Variants in MEF2C observed in about 807,000 individuals in gnomAD.
MEF2C encodes myocyte enhancer factor 2C, also known as myocyte-specific enhancer factor 2C.
Under a neutral mutation model 50.5 loss-of-function variants are expected in MEF2C, and 6 were observed. That is an observed-to-expected ratio of 0.12 (90% confidence interval 0.07 to 0.23). The LOEUF (loss-of-function observed/expected upper bound fraction) is 0.23, where lower values mean the gene tolerates loss of function less well. Ranked by LOEUF, MEF2C falls within the 10% of genes least tolerant of loss-of-function variation. The pLI is 1.00. For synonymous variants in MEF2C, 183 were observed against 228.0 expected (o/e 0.80, Z 1.78); for missense variants, 276 against 605.0 (o/e 0.46, Z 5.70).
At chr5:88,832,846 C>G (rs1194876940) in intron 1 of MEF2C, among the ~76,000 whole-genome samples, 1 of 152,098 alleles carries the variant, frequency 6.6e-6, no homozygotes, top group East Asian at 1.9e-4. Context: ...CTAATTATGG[C>G]TATCACTGAT....
Position 88,840,348 on chromosome 5 carries a change from T to C in MEF2C, c.-142-16418A>G, listed in dbSNP as rs1581436078. Among the ~76,000 whole-genome samples the C allele has an allele frequency of 2.0e-5, 3 of 152,322 alleles. No individual in the cohort carries two copies. The East Asian group carries it at 5.8e-4, about 29-fold the overall frequency. Reference sequence around the variant, plus strand: ...CTTCAATATTGTGTATTGCTTTATGTCTGTTCTTTTAATCTTTCCTTACGC... The same window carrying C: ...CTTCAATATTGTGTATTGCTTTATGCCTGTTCTTTTAATCTTTCCTTACGC... On this transcript the variant is annotated intron_variant, in intron 1 of 10. Transcript: ENST00000504921.
chr5:88,869,522 C>A (rs1290080218), intron 1 of MEF2C, among the ~76,000 whole-genome samples: 1 of 151,296 alleles, frequency 6.6e-6, no homozygotes, highest in Non-Finnish European at 1.5e-5. Flanking sequence ...TATTTAAATA[C>A]CATGAACTGT....
chr5:88,775,343 T>C (rs1447352811), intron 3 of MEF2C, among the ~76,000 whole-genome samples: 1 of 152,190 alleles, frequency 6.6e-6, no homozygotes, highest in Non-Finnish European at 1.5e-5. Context: ...TAGGCAATTA[T>C]GAATTGAGTG....
chr5:88,769,514 G>A (rs890522742), intron 3 of MEF2C, among the ~76,000 whole-genome samples: 3 of 152,168 alleles, frequency 2.0e-5, no homozygotes, highest in Non-Finnish European at 1.5e-5. Context: ...CACGTTAGCT[G>A]TAAAACACTC....
chr5:88,851,430 AG>A (rs1304416814), intron 1 of MEF2C, among the ~76,000 whole-genome samples: 4 of 152,030 alleles, frequency 2.6e-5, no homozygotes, highest in Non-Finnish European at 5.9e-5. Context: ...ACATTGTTCA[AG>A]GGTCAATTGT....
At chr5:88,866,139 G>C (rs1455298035) in intron 1 of MEF2C, among the ~76,000 whole-genome samples, 2 of 152,132 alleles carry the variant, frequency 1.3e-5, no homozygotes, top group East Asian at 3.9e-4. Flanking sequence ...CTCGTGATCC[G>C]CCGGCCTTGG....
intron 1 of MEF2C, among the ~76,000 whole-genome samples, chr5:88,878,494 A>G (rs1831799325): frequency 6.6e-6 from 1 of 151,972 alleles, no homozygotes; most frequent in African/African-American, 2.4e-5. Flanking sequence ...ACTCACACCA[A>G]AGTTGGCACC....
At chr5:88,820,641 G>A (rs1487643354) in intron 2 of MEF2C, among the ~76,000 whole-genome samples, 1 of 152,008 alleles carries the variant, frequency 6.6e-6, no homozygotes. Flanking sequence ...AAAGATGACA[G>A]TGAGCCATTG....
chr5:88,804,105 G>A (rs1459282844), intron 3 of MEF2C, among the ~76,000 whole-genome samples: 2 of 152,184 alleles, frequency 1.3e-5, no homozygotes, highest in East Asian at 1.9e-4. Context: ...CAGCAAGAAA[G>A]CATTCAGAAT....
chr5:88,770,035 G>A (rs1781683810), intron 3 of MEF2C: 2 of 981,600 alleles, frequency 2.0e-6, no homozygotes, highest in African/African-American at 1.8e-5. Flanking sequence ...AATGGGCAAT[G>A]TTAGTGATTT....
intron 1 of MEF2C, among the ~76,000 whole-genome samples, chr5:88,899,542 G>C (rs1193790262): frequency 2.0e-5 from 3 of 152,170 alleles, no homozygotes; most frequent in Admixed American, 6.6e-5. Context: ...GTGAAACAGA[G>C]AGTCTAACTC....
At chr5:88,761,153 TA>T (rs746341213) in intron 4 of MEF2C, 31 bp downstream of exon 4, 2 of 1,613,364 alleles carry the variant, frequency 1.2e-6, no homozygotes, top group Non-Finnish European at 8.5e-7. Flanking sequence ...ATATCAAGAG[TA>T]AAAAAAATGA....
At chr5:88,744,196 A>C (rs1389030497) in intron 6 of MEF2C, 2 of 865,132 alleles carry the variant, frequency 2.3e-6, no homozygotes, top group Admixed American at 2.3e-4. Context: ...CATTAAATCT[A>C]ATGACTACAA....
chr5:88,869,623 A>G (rs553657187), intron 1 of MEF2C, among the ~76,000 whole-genome samples: 1 of 151,514 alleles, frequency 6.6e-6, no homozygotes, highest in African/African-American at 2.4e-5. Context: ...TTAACTTACT[A>G]CACTTATTAA....
In MEF2C at chr5:88,734,561, G is replaced by GTTTGTTT. The variant is rs1763086725; in HGVS notation, c.638-2667_638-2661dup. On this transcript the variant is annotated intron_variant, in intron 6 of 10. Coordinates refer to ENST00000504921, the MANE Select transcript of MEF2C (RefSeq NM_002397.5). ...ATGCTTCACGGAGGCCTTGAGAAAA[G>GTTTGTTT]TTTGTTTTTTTTTTTTTTTTTTTTT... 26 of 254,380 alleles carry GTTTGTTT rather than the reference G, an allele frequency of 1.0e-4. 1 individual carries two copies. The highest frequency in any genetic ancestry group is 2.2e-3 in the Middle Eastern group (1 of 462). 15.8% of individuals were successfully genotyped at this position (254,380 alleles called of 1,614,324 possible).
rs865930576 is a variant in MEF2C, at chr5:88,810,732, C to G, written c.55-5931G>C. Among the ~76,000 whole-genome samples the G allele has an allele frequency of 1.3e-3, 201 of 152,138 alleles. 2 individuals carry two copies. Among genetic ancestry groups the G allele is most frequent in the African/African-American group, 4.5e-3 (185 of 41,524 alleles). Reference sequence around the variant, plus strand: ...TATCAAAAAGTCTCTAGTAAAGTGCCATAGAATTCAGTACTTTTCCCATCC... The same window carrying G: ...TATCAAAAAGTCTCTAGTAAAGTGCGATAGAATTCAGTACTTTTCCCATCC... On this transcript the variant is annotated intron_variant, in intron 2 of 10. Coordinates refer to ENST00000504921, the MANE Select transcript of MEF2C (RefSeq NM_002397.5).
intron 6 of MEF2C, chr5:88,740,879 G>A: frequency 2.0e-6 from 2 of 985,336 alleles, no homozygotes; most frequent in African/African-American, 3.5e-5. Context: ...ATGAGGGGGT[G>A]TCTTCATTAT....
chr5:88,738,002 G>T, intron 6 of MEF2C: 1 of 985,312 alleles, frequency 1.0e-6, no homozygotes, highest in Non-Finnish European at 1.2e-6. Context: ...TAGTTAGAAC[G>T]CCTTGCTCTA....
chr5:88,820,078 T>C (rs1473906179), intron 2 of MEF2C, among the ~76,000 whole-genome samples: 2 of 55,470 alleles, frequency 3.6e-5, no homozygotes, highest in Non-Finnish European at 5.9e-5. Context: ...TTTGTAATTA[T>C]ATATATATAT....
Sources: allele counts gnomAD v4.1 joint callset (sites outside exome capture counted in the v4.1 genomes callset), GRCh38; gene constraint gnomAD v4.1.1; transcripts MANE v1.5; gene names NCBI Gene and HGNC (gene_info 2026-07-23, HGNC 2026-07-21).